The following ADK variants were observed in gnomAD, a reference collection of about 807,000 sequenced individuals.
The protein encoded by ADK is adenosine kinase.
A neutral mutation model predicts 44.7 loss-of-function variants in ADK; 24 were observed. That is an observed-to-expected ratio of 0.54 (90% CI 0.39 to 0.76). The LOEUF is 0.76. ADK is among the 30% of genes least tolerant of loss of function. The pLI, the probability that ADK is intolerant of heterozygous loss-of-function variation, is 0.00. For synonymous variants in ADK, 128 were observed against 142.6 expected (o/e 0.90, Z 0.73); for missense variants, 321 against 425.1 (o/e 0.76, Z 2.15).
intron 2 of ADK, among the ~76,000 whole-genome samples, chr10:74,215,831 T>G (rs1479656302): frequency 8.4e-5 from 1 of 11,898 alleles, no homozygotes; most frequent in Admixed American, 7.2e-4. Flanking sequence ...TTTTTTGTAT[T>G]TTTTTTAGTA....
chr10:74,193,239 GTTTTCTTTTT>G (rs1220058319), intron 1 of ADK, among the ~76,000 whole-genome samples: 4 of 151,446 alleles, frequency 2.6e-5, no homozygotes, highest in South Asian at 2.1e-4. Context: ...TATGATTAGT[GTTTTCTTTTT>G]TTTTCTTTTT....
chr10:74,673,157 G>C (rs189247278), intron 10 of ADK, among the ~76,000 whole-genome samples: 18 of 152,218 alleles, frequency 1.2e-4, no homozygotes, highest in Non-Finnish European at 1.3e-4. Flanking sequence ...AGATTGTTGA[G>C]GAAAAGAAAG....
intron 3 of ADK, among the ~76,000 whole-genome samples, chr10:74,282,935 G>T (rs1282557503): frequency 1.3e-5 from 2 of 152,158 alleles, no homozygotes; most frequent in Non-Finnish European, 2.9e-5. Context: ...AAAATACCAT[G>T]AGAGTAGTTG....
intron 7 of ADK, among the ~76,000 whole-genome samples, chr10:74,547,771 G>C (rs1265960051): frequency 5.9e-5 from 9 of 152,170 alleles, no homozygotes. Context: ...CAATTCTCCT[G>C]CCTCAGCCTC....
At chr10:74,195,862 A>G (rs1248960712) in intron 1 of ADK, among the ~76,000 whole-genome samples, 1 of 151,354 alleles carries the variant, frequency 6.6e-6, no homozygotes, top group Non-Finnish European at 1.5e-5. Context: ...TTTTTTGTAG[A>G]GATGGAGTCT....
intron 3 of ADK, among the ~76,000 whole-genome samples, chr10:74,226,246 T>G (rs1483146368): frequency 2.0e-5 from 3 of 152,122 alleles, no homozygotes; most frequent in African/African-American, 7.2e-5. Flanking sequence ...TAGCAGGGAT[T>G]ACAGGCACCC....
At chr10:74,184,654 C>A (rs543339819) in intron 1 of ADK, among the ~76,000 whole-genome samples, 1 of 152,100 alleles carries the variant, frequency 6.6e-6, no homozygotes, top group African/African-American at 2.4e-5. Flanking sequence ...ACCTAAAGTG[C>A]TGGGATTATA....
intron 6 of ADK, among the ~76,000 whole-genome samples, chr10:74,464,055 C>A (rs1003491155): frequency 1.3e-5 from 2 of 152,074 alleles, no homozygotes; most frequent in African/African-American, 4.8e-5. Context: ...GATTCCTGTA[C>A]ACATGTTACT....
At chr10:74,283,944 T>C (rs1385302407) in intron 3 of ADK, among the ~76,000 whole-genome samples, 1 of 151,824 alleles carries the variant, frequency 6.6e-6, no homozygotes, top group South Asian at 2.1e-4. Flanking sequence ...CCTCCCAAAG[T>C]GCTGGGATTA....
intron 3 of ADK, among the ~76,000 whole-genome samples, chr10:74,298,536 T>C (rs1365444295): frequency 6.6e-6 from 1 of 152,142 alleles, no homozygotes; most frequent in Non-Finnish European, 1.5e-5. Flanking sequence ...GAGGATCACA[T>C]GAGCCCAGGC....
chr10:74,549,004 T>G (rs1849935499), intron 7 of ADK, among the ~76,000 whole-genome samples: 1 of 152,222 alleles, frequency 6.6e-6, no homozygotes, highest in Non-Finnish European at 1.5e-5. Flanking sequence ...CAGGATACTT[T>G]GGAGAACAAA....
At chr10:74,236,881 T>C (rs550314793) in intron 3 of ADK, among the ~76,000 whole-genome samples, 1 of 152,340 alleles carries the variant, frequency 6.6e-6, no homozygotes, top group African/African-American at 2.4e-5. Context: ...TAAAAATGTA[T>C]ATTCCTTAAT....
At chr10:74,260,011 C>T (rs1845983491) in intron 3 of ADK, among the ~76,000 whole-genome samples, 1 of 151,880 alleles carries the variant, frequency 6.6e-6, no homozygotes, top group Admixed American at 6.6e-5. Flanking sequence ...TAACAAGTTT[C>T]AGGGAACCCC....
At chr10:74,612,258 A>G (rs1288274081) in intron 9 of ADK, among the ~76,000 whole-genome samples, 3 of 152,018 alleles carry the variant, frequency 2.0e-5, no homozygotes, top group Non-Finnish European at 2.9e-5. Flanking sequence ...GGCTGCTTGT[A>G]TGTTCCCATT....
intron 4 of ADK, among the ~76,000 whole-genome samples, chr10:74,362,420 G>T: frequency 6.6e-6 from 1 of 150,956 alleles, no homozygotes; most frequent in South Asian, 2.1e-4. Context: ...AGTTATTTGA[G>T]TCTCTTATAT....
chr10:74,403,715 C>T (rs1200672070), intron 6 of ADK, among the ~76,000 whole-genome samples: 1 of 152,188 alleles, frequency 6.6e-6, no homozygotes, highest in East Asian at 1.9e-4. Flanking sequence ...CGATGCCCCG[C>T]CCTGCTTTGG....
intron 6 of ADK, among the ~76,000 whole-genome samples, chr10:74,523,638 T>G (rs1183454356): frequency 2.0e-5 from 3 of 152,182 alleles, no homozygotes; most frequent in African/African-American, 7.2e-5. Context: ...TAGAGATCCC[T>G]TAGAACCTCA....
At chr10:74,504,289 A>C (rs1847972277) in intron 6 of ADK, among the ~76,000 whole-genome samples, 1 of 152,114 alleles carries the variant, frequency 6.6e-6, no homozygotes, top group African/African-American at 2.4e-5. Context: ...TGAAGGTAGC[A>C]GTATCCACTT....
chr10:74,707,923 C>T (rs1466694963), intron 10 of ADK, among the ~76,000 whole-genome samples: 1 of 151,700 alleles, frequency 6.6e-6, no homozygotes, highest in Non-Finnish European at 1.5e-5. Flanking sequence ...CAGGCCAAGG[C>T]AGGCAGATCA....
Sources: allele counts gnomAD v4.1 joint callset (sites outside exome capture counted in the v4.1 genomes callset), GRCh38; gene constraint gnomAD v4.1.1; transcripts MANE v1.5; gene names NCBI Gene and HGNC (gene_info 2026-07-23, HGNC 2026-07-21).